NLGN4X: variants seen among roughly 807,000 people sequenced by gnomAD.
The protein encoded by NLGN4X is neuroligin 4 X-linked, also known as neuroligin-4, X-linked.
A neutral mutation model predicts 40.3 loss-of-function variants in NLGN4X; 3 were observed. That is an observed-to-expected ratio of 0.07 (90% CI 0.03 to 0.19). NLGN4X has a LOEUF of 0.19. Ranked by LOEUF, NLGN4X falls within the 10% of genes least tolerant of loss-of-function variation. The pLI is 1.00. For missense variants in NLGN4X, 382 were observed against 708.3 expected (o/e 0.54, Z 5.23); for synonymous variants, 270 against 306.8 (o/e 0.88, Z 1.25).
intron 5 of NLGN4X, among the ~76,000 whole-genome samples, chrX:5,895,951 G>A (rs1048427486): frequency 9.0e-6 from 1 of 111,366 alleles, no homozygotes; most frequent in Admixed American, 9.6e-5. Context: ...GTTATTTAAC[G>A]TGTACTGAAA....
intron 3 of NLGN4X, 83 bp from the exon 4 acceptor site, chrX:5,909,322 G>A: frequency 9.4e-7 from 1 of 1,065,994 alleles, no homozygotes. Context: ...ATATCTCATA[G>A]CTTGTCTTCT....
chrX:6,143,894 C>T (rs1261497509), intron 2 of NLGN4X, among the ~76,000 whole-genome samples: 1 of 111,944 alleles, frequency 8.9e-6, no homozygotes, highest in Admixed American at 9.5e-5. Context: ...AATTTTTCAT[C>T]GTTTCTTTTT....
intron 3 of NLGN4X, among the ~76,000 whole-genome samples, chrX:5,960,634 A>G (rs1243937916): frequency 8.9e-6 from 1 of 111,782 alleles, no homozygotes; most frequent in Non-Finnish European, 1.9e-5. Context: ...TTAATTAACT[A>G]CCTTTTCTAA....
At chrX:6,085,767 G>T (rs1397264752) in intron 2 of NLGN4X, among the ~76,000 whole-genome samples, 1 of 112,124 alleles carries the variant, frequency 8.9e-6, no homozygotes, top group African/African-American at 3.2e-5. Context: ...AATTCCCCTG[G>T]TGTGGTGGAC....
At chrX:6,091,101 G>A (rs1035781212) in intron 2 of NLGN4X, among the ~76,000 whole-genome samples, 1 of 110,408 alleles carries the variant, frequency 9.1e-6, no homozygotes, top group Admixed American at 9.6e-5. Context: ...AGGAATAGTT[G>A]GAGAGAAGAT....
intron 3 of NLGN4X, among the ~76,000 whole-genome samples, chrX:5,998,990 T>A (rs750526820): frequency 1.8e-5 from 2 of 111,965 alleles, no homozygotes; most frequent in East Asian, 5.6e-4. Flanking sequence ...GCCCACTCGG[T>A]GCTGTAGAAA....
At chrX:6,127,878 A>C (rs147114191) in intron 2 of NLGN4X, among the ~76,000 whole-genome samples, 21 of 112,249 alleles carry the variant, frequency 1.9e-4, no homozygotes, top group African/African-American at 5.5e-4. Context: ...CTACATTAAA[A>C]CTAATGGTTT....
At chrX:6,047,821 C>T (rs759323174) in intron 2 of NLGN4X, among the ~76,000 whole-genome samples, 3 of 111,735 alleles carry the variant, frequency 2.7e-5, no homozygotes, top group East Asian at 2.8e-4. Flanking sequence ...GTGGTGAGGA[C>T]GTGCACCACT....
At chrX:5,933,758 T>C (rs186392830) in intron 3 of NLGN4X, among the ~76,000 whole-genome samples, 178 of 111,654 alleles carry the variant, frequency 1.6e-3, no homozygotes, top group African/African-American at 5.3e-3. Context: ...TAAGCATCGG[T>C]AAAATTAACG....
intron 3 of NLGN4X, among the ~76,000 whole-genome samples, chrX:5,931,227 C>G (rs1376700022): frequency 8.9e-6 from 1 of 111,768 alleles, no homozygotes; most frequent in Admixed American, 9.6e-5. Context: ...CTAATATACC[C>G]TTCATTGTCC....
At chrX:6,175,720 A>AAGG (rs1431616865) in intron 1 of NLGN4X, among the ~76,000 whole-genome samples, 2 of 107,062 alleles carry the variant, frequency 1.9e-5, no homozygotes, top group Non-Finnish European at 3.8e-5. Context: ...GGGTGTCTCC[A>AAGG]AGGATCATTT....
intron 2 of NLGN4X, among the ~76,000 whole-genome samples, chrX:6,031,847 T>C (rs979242406): frequency 2.5e-4 from 28 of 110,439 alleles, no homozygotes; most frequent in Non-Finnish European, 4.7e-4. Context: ...GCGAGTTGTC[T>C]GCATGAGTAC....
chrX:6,002,709 C>T lies in NLGN4X; in HGVS notation c.625+26571G>A, dbSNP rs143341209. Among the ~76,000 whole-genome samples, 734 of 111,620 alleles carry T rather than the reference C, an allele frequency of 6.6e-3. 6 individuals are homozygous for T. Among genetic ancestry groups the T allele is most frequent in the Middle Eastern group, 0.041 (9 of 218 alleles). Reference sequence around the variant, plus strand: ...AACCAGGGCCCAAAGTGAGAATTTACATTCCTGTTTTCCCACTCGACTGCT... The same window carrying T: ...AACCAGGGCCCAAAGTGAGAATTTATATTCCTGTTTTCCCACTCGACTGCT... On this transcript the variant is annotated intron_variant, in intron 3 of 5. Coordinates refer to ENST00000381095, the MANE Select transcript of NLGN4X (RefSeq NM_181332.3).
chrX:6,057,439 G>A (rs1411077694), intron 2 of NLGN4X, among the ~76,000 whole-genome samples: 2 of 111,724 alleles, frequency 1.8e-5, no homozygotes, highest in African/African-American at 6.5e-5. Context: ...GAAAAACTGG[G>A]TAGAGATAAA....
chrX:6,012,415 C>T (rs1446669053), intron 3 of NLGN4X, among the ~76,000 whole-genome samples: 1 of 111,764 alleles, frequency 8.9e-6, no homozygotes, highest in Non-Finnish European at 1.9e-5. Context: ...GATCTTCTTG[C>T]CAGAGTGTGG....
At chrX:6,207,786 T>C (rs2147869646) in intron 1 of NLGN4X, among the ~76,000 whole-genome samples, 1 of 112,082 alleles carries the variant, frequency 8.9e-6, no homozygotes, top group South Asian at 3.7e-4. Context: ...TATATCCTTT[T>C]ATTATTAAAG....
intron 2 of NLGN4X, among the ~76,000 whole-genome samples, chrX:6,048,603 A>G (rs1410364208): frequency 8.9e-6 from 1 of 112,084 alleles, no homozygotes; most frequent in East Asian, 2.8e-4. Context: ...CCAAATGCCC[A>G]TCAATGATTG....
intron 1 of NLGN4X, chrX:6,226,792 A>C (rs1262518081): frequency 8.3e-6 from 1 of 120,240 alleles, no homozygotes; most frequent in African/African-American, 3.2e-5. Flanking sequence ...TGGAGGGCGC[A>C]GGCCGGGACC....
chrX:6,103,761 C>T (rs893469977), intron 2 of NLGN4X, among the ~76,000 whole-genome samples: 1 of 111,797 alleles, frequency 8.9e-6, no homozygotes, highest in Non-Finnish European at 1.9e-5. Flanking sequence ...GTACTTAATA[C>T]ATCAGTATTT....
Sources: allele counts gnomAD v4.1 joint callset (sites outside exome capture counted in the v4.1 genomes callset), GRCh38; gene constraint gnomAD v4.1.1; transcripts MANE v1.5; gene names NCBI Gene and HGNC (gene_info 2026-07-23, HGNC 2026-07-21).